The following MYO9B variants were observed in gnomAD, a reference collection of about 807,000 sequenced individuals.
MYO9B encodes myosin IXB, also known as unconventional myosin-IXb.
Under a neutral mutation model 229.5 loss-of-function variants are expected in MYO9B, and 71 were observed. That is an observed-to-expected ratio of 0.31 (90% CI 0.26 to 0.38). MYO9B has a LOEUF of 0.38. MYO9B is among the 10% of genes least tolerant of loss of function. MYO9B has a pLI of 1.00. For missense variants in MYO9B, 2,255 were observed against 2,920.5 expected (o/e 0.77, Z 5.25); for synonymous variants, 1,185 against 1,235.8 (o/e 0.96, Z 0.86).
chr19:17,205,776 C>CAGT (rs2073153210), intron 31 of MYO9B, among the ~76,000 whole-genome samples, 184 bp from the exon 32 acceptor site: 1 of 152,162 alleles, frequency 6.6e-6, no homozygotes. Context: ...CCAGTGGCTG[C>CAGT]CATGCTGGCC....
intron 24 of MYO9B, among the ~76,000 whole-genome samples, chr19:17,199,104 G>A (rs1457140521): frequency 1.3e-5 from 2 of 152,132 alleles, no homozygotes; most frequent in Non-Finnish European, 2.9e-5. Context: ...TCAGGAGGCT[G>A]AAACAGGAGG....
At chr19:17,105,319 CAAAAAAAAAAA>C (rs36000160) in intron 2 of MYO9B, among the ~76,000 whole-genome samples, 35 of 71,658 alleles carry the variant, frequency 4.9e-4, no homozygotes, top group African/African-American at 1.5e-3. Flanking sequence ...CTGTCTCTAC[CAAAAAAAAAAA>C]AAAAAAAAAA....
At chr19:17,182,934 G>C (rs187816888) in intron 15 of MYO9B, among the ~76,000 whole-genome samples, 389 of 151,896 alleles carry the variant, frequency 2.6e-3, no homozygotes, top group Middle Eastern at 3.4e-3. Flanking sequence ...TTTTGGGGGG[G>C]GTTTTGAGAC....
At chr19:17,174,154 T>C (rs188636046) in intron 13 of MYO9B, among the ~76,000 whole-genome samples, 9,487 of 148,736 alleles carry the variant, frequency 0.064, 388 homozygotes, top group Non-Finnish European at 0.094. Flanking sequence ...CTCAGCCTCC[T>C]AAGTAGCTGC....
intron 38 of MYO9B, 76 bp downstream of exon 38, chr19:17,210,924 C>A: frequency 6.6e-7 from 1 of 1,521,058 alleles, no homozygotes; most frequent in South Asian, 1.2e-5. Context: ...CCTGGTGGTC[C>A]GCTTGACCTC....
chr19:17,190,326 T>C (rs1006373581), intron 19 of MYO9B, among the ~76,000 whole-genome samples: 9 of 149,302 alleles, frequency 6.0e-5, no homozygotes, highest in Admixed American at 6.0e-4. Flanking sequence ...CTCCAGTACA[T>C]GGGGTTACAG....
At position 17,194,640 on chromosome 19, in the gene MYO9B, G is replaced by C. The variant is rs946781690; in HGVS notation, c.3213G>C (p.Glu1071Asp). The C allele has an allele frequency of 6.2e-7, 1 of 1,612,614 alleles. No homozygotes were observed. The highest frequency in any genetic ancestry group is 1.3e-5 in the African/African-American group (1 of 74,948). Residue 1071 changes from glutamate (E) to aspartate (D), a missense_variant, in exon 22 of 40, where the codon GAG (glutamate) becomes GAC (aspartate). Coordinates refer to ENST00000682292, the MANE Select transcript of MYO9B (RefSeq NM_004145.4). ...AAGCCGCAAGAGCAGGTGCTGAGGAGGGCGGACAGGGTCAGGCGGCTGGAG... is the reference window on the plus strand; with the variant it reads ...AAGCCGCAAGAGCAGGTGCTGAGGACGGCGGACAGGGTCAGGCGGCTGGAG... ...ALEAARAGAE[E>D]GGQGQAAGGQ...
chr19:17,149,568 T>A (rs1385747557), intron 3 of MYO9B, among the ~76,000 whole-genome samples: 4 of 151,762 alleles, frequency 2.6e-5, no homozygotes, highest in African/African-American at 7.3e-5. Flanking sequence ...GGGAGGGAGG[T>A]GCACTTCCTA....
At position 17,087,482 on chromosome 19, in the gene MYO9B, A is replaced by G. The variant is rs2057594239; in HGVS notation, c.-59+11608A>G. Among the ~76,000 whole-genome samples the G allele has an allele frequency of 2.0e-5, 3 of 152,198 alleles. No homozygotes were observed. In the South Asian group the frequency reaches 6.2e-4, roughly 31 times the overall value. ...CTTCTTGGGAATATTCGGCTAAGGC[A>G]GAAAAAAGGCTGGAGCAACCGAAGG... On this transcript the variant is annotated intron_variant, in intron 1 of 39. Transcript: ENST00000682292.
intron 1 of MYO9B, among the ~76,000 whole-genome samples, chr19:17,091,079 C>G (rs1425298352): frequency 6.6e-6 from 1 of 152,222 alleles, no homozygotes; most frequent in African/African-American, 2.4e-5. Context: ...CCTCACAAGC[C>G]TCAGCAGCCC....
chr19:17,113,862 A>G (rs8111636), intron 2 of MYO9B, among the ~76,000 whole-genome samples: 110,248 of 152,002 alleles, frequency 0.73, 40,542 homozygotes, highest in African/African-American at 0.82. Context: ...ACGAGAAAGC[A>G]GAATAAGCCA....
intron 11 of MYO9B, 69 bp downstream of exon 11, chr19:17,168,133 C>T: frequency 6.4e-7 from 1 of 1,572,344 alleles, no homozygotes; most frequent in Non-Finnish European, 8.6e-7. Flanking sequence ...CTGCAGCCCC[C>T]AGAGCCTTAC....
intron 2 of MYO9B, among the ~76,000 whole-genome samples, chr19:17,135,575 T>C (rs1190033031): frequency 6.6e-6 from 1 of 152,110 alleles, no homozygotes; most frequent in Non-Finnish European, 1.5e-5. Flanking sequence ...CCCCCTCGGA[T>C]GTATAATAGC....
At chr19:17,211,024 G>A (rs1430357776) in intron 38 of MYO9B, among the ~76,000 whole-genome samples, 176 bp downstream of exon 38, 2 of 124,958 alleles carry the variant, frequency 1.6e-5, no homozygotes, top group South Asian at 2.5e-4. Context: ...TCGCTCTGTC[G>A]CCCAGCTGGA....
intron 6 of MYO9B, 141 bp from the exon 7 acceptor site, chr19:17,156,768 A>AG: frequency 1.1e-6 from 1 of 909,046 alleles, no homozygotes; most frequent in Non-Finnish European, 1.7e-6. Context: ...CATCCTCAAC[A>AG]GAGGCCTTAG....
intron 1 of MYO9B, among the ~76,000 whole-genome samples, chr19:17,093,936 A>C (rs2057663869): frequency 6.6e-6 from 1 of 151,572 alleles, no homozygotes; most frequent in Non-Finnish European, 1.5e-5. Flanking sequence ...GGCTGGTGTC[A>C]AATTCCTTGG....
intron 14 of MYO9B, among the ~76,000 whole-genome samples, chr19:17,177,107 A>C (rs1289588204): frequency 6.6e-6 from 1 of 152,072 alleles, no homozygotes; most frequent in Non-Finnish European, 1.5e-5. Context: ...AGGCTGAGGC[A>C]GGAGAATTGC....
At chr19:17,105,452 G>A (rs2057784148) in intron 2 of MYO9B, among the ~76,000 whole-genome samples, 1 of 152,050 alleles carries the variant, frequency 6.6e-6, no homozygotes, top group Non-Finnish European at 1.5e-5. Flanking sequence ...CCAACGTCTG[G>A]CCACTGCACT....
chr19:17,161,092 G>T (rs573136388), intron 8 of MYO9B, among the ~76,000 whole-genome samples: 1 of 151,862 alleles, frequency 6.6e-6, no homozygotes, highest in Non-Finnish European at 1.5e-5. Context: ...GAGCCACCAC[G>T]TCCGGCCACA....
Sources: allele counts gnomAD v4.1 joint callset (sites outside exome capture counted in the v4.1 genomes callset), GRCh38; gene constraint gnomAD v4.1.1; transcripts MANE v1.5; gene names NCBI Gene and HGNC (gene_info 2026-07-23, HGNC 2026-07-21).